FBN2: variants seen among roughly 807,000 people sequenced by gnomAD.
FBN2 encodes fibrillin 2.
FBN2 carries 105 observed loss-of-function variants against 355.6 expected under a neutral mutation model. The observed-to-expected ratio is 0.30, with a 90% CI of 0.25 to 0.35. The LOEUF (loss-of-function observed/expected upper bound fraction) is 0.35, where lower values mean the gene tolerates loss of function less well. FBN2 is among the 10% of genes least tolerant of loss of function. FBN2 has a pLI of 1.00. For synonymous variants in FBN2, 1,350 were observed against 1,301.2 expected (o/e 1.04, Z -0.81); for missense variants, 3,280 against 3,758.7 (o/e 0.87, Z 3.33).
intron 5 of FBN2, among the ~76,000 whole-genome samples, chr5:128,518,421 C>A (rs1756345076): frequency 6.6e-6 from 1 of 152,090 alleles, no homozygotes; most frequent in Admixed American, 6.6e-5. Context: ...ATCCCTCCAC[C>A]CCTTTTCTCT....
chr5:128,537,804 C>A lies in FBN2; in HGVS notation c.-201G>T. On this transcript the variant is annotated 5_prime_UTR_variant, in exon 1 of 65. Coordinates refer to ENST00000262464, the MANE Select transcript of FBN2 (RefSeq NM_001999.4). ...ACTGCCCGCGAAGCGAGACGCGGGGCGCCGGGTCTAGCGCAGTGAGCGGCG... is the reference window on the plus strand; with the variant it reads ...ACTGCCCGCGAAGCGAGACGCGGGGAGCCGGGTCTAGCGCAGTGAGCGGCG... 1.6e-6 allele frequency: 1 copy of A among 620,412 alleles called. No homozygotes were observed. The highest frequency in any genetic ancestry group is 2.8e-6 in the Non-Finnish European group (1 of 353,788). 38.4% of individuals were successfully genotyped at this position (620,412 alleles called of 1,614,324 possible). A position where few individuals can be genotyped will look rare whatever the true frequency, so the allele number is the denominator to read the frequency against.
intron 48 of FBN2, among the ~76,000 whole-genome samples, chr5:128,299,534 T>A (rs1185540903): frequency 1.3e-5 from 2 of 152,066 alleles, no homozygotes; most frequent in Non-Finnish European, 2.9e-5. Context: ...GTGCGCCGTT[T>A]TTTAAGCCCG....
chr5:128,396,276 T>C (rs1004536325), intron 8 of FBN2, among the ~76,000 whole-genome samples: 1 of 152,184 alleles, frequency 6.6e-6, no homozygotes, highest in Non-Finnish European at 1.5e-5. Flanking sequence ...CTTTAAAACA[T>C]GTTATATTTG....
chr5:128,445,001 C>T (rs894520428), intron 7 of FBN2, among the ~76,000 whole-genome samples: 9 of 152,132 alleles, frequency 5.9e-5, no homozygotes, highest in Non-Finnish European at 1.2e-4. Flanking sequence ...ATACAAAAAG[C>T]GGCCAGGAAA....
Position 128,344,389 on chromosome 5 carries a change from G to A in FBN2, c.3339C>T (p.Cys1113=), listed in dbSNP as rs1751112559. ...AAAACAGCAGAACCATCTTACCCGT[G>A]CAGTTTCTTTCCTCCATGTCTAGAG... The part of the protein sequence containing the change: ...GFALDMEERN[C]TDIDECRISP... Residue 1113 remains cysteine (C), a synonymous_variant, in exon 25 of 65, where the codon TGC becomes TGT. Transcript: ENST00000262464. 1.2e-6 allele frequency: 2 copies of A among 1,613,894 alleles called. No individual in the cohort carries two copies. The highest frequency in any genetic ancestry group is 1.7e-5 in the Admixed American group (1 of 60,002).
intron 36 of FBN2, among the ~76,000 whole-genome samples, chr5:128,314,610 C>A (rs1750151802): frequency 6.6e-6 from 1 of 152,158 alleles, no homozygotes; most frequent in African/African-American, 2.4e-5. Flanking sequence ...GCCACCACGC[C>A]CAGCCTAATT....
chr5:128,342,037 A>C (rs566493310), intron 25 of FBN2, among the ~76,000 whole-genome samples: 57 of 152,284 alleles, frequency 3.7e-4, no homozygotes, highest in Middle Eastern at 3.4e-3. Context: ...AGATCAAAAC[A>C]AAGACAAACT....
intron 48 of FBN2, among the ~76,000 whole-genome samples, chr5:128,295,514 A>G (rs1749480292): frequency 6.8e-6 from 1 of 147,326 alleles, no homozygotes; most frequent in South Asian, 2.2e-4. Context: ...TATTTCCTTG[A>G]GTAGTGGTTT....
rs544889625 is a variant in FBN2 at position 128,446,892 on chromosome 5, A to C, written c.827-286T>G. 2.7e-4 allele frequency among the ~76,000 whole-genome samples: 41 copies of C among 152,340 alleles called. No individual in the cohort carries two copies. In the South Asian group the frequency reaches 2.7e-3, roughly 10 times the overall value. ...GACCCCGAACGGAGGGACCGGCTGAAGCCATGGCAGAAGCATGGAAATTGT... is the reference window on the plus strand; with the variant it reads ...GACCCCGAACGGAGGGACCGGCTGACGCCATGGCAGAAGCATGGAAATTGT... On this transcript the variant is annotated intron_variant, in intron 6 of 64. Transcript: ENST00000262464.
intron 39 of FBN2, among the ~76,000 whole-genome samples, chr5:128,310,398 ATATATTTTTTTTT>A (rs1484956508): frequency 0.017 from 193 of 11,200 alleles, 1 homozygote; most frequent in African/African-American, 0.029. Flanking sequence ...ATATATATAT[ATATATTTTTTTTT>A]TTTTTTTTTT....
rs1752568817 is a variant in FBN2, at chr5:128,393,293, C to A, written c.1307G>T (p.Gly436Val). 1 of 1,614,180 alleles carries A rather than the reference C, an allele frequency of 6.2e-7. No homozygotes were observed. The highest frequency in any genetic ancestry group is 1.1e-5 in the South Asian group (1 of 91,088). ...TGGGGCAAAGCCATTTCCCCCAGTG[C>A]CTCCAGGTCTGGAACCAGCACTCCC... ...IPGSAGSRPGGTGGNGFAPSG... is the reference protein window; with the variant it reads ...IPGSAGSRPGVTGGNGFAPSG... The change falls in exon 10 of 65, where the codon GGC becomes GTC. Residue 436 changes from glycine (G) to valine (V), a missense_variant. Physicochemically the swap from Gly to Val is moderately radical, Grantham distance 109. Transcript: ENST00000262464.
At chr5:128,509,035 C>T (rs758893446) in intron 5 of FBN2, among the ~76,000 whole-genome samples, 1 of 151,782 alleles carries the variant, frequency 6.6e-6, no homozygotes, top group Non-Finnish European at 1.5e-5. Flanking sequence ...TCCCTGTATC[C>T]CTGGTTTTGA....
At chr5:128,408,552 A>C in intron 8 of FBN2, 122 bp downstream of exon 8, 1 of 1,187,602 alleles carries the variant, frequency 8.4e-7, no homozygotes, top group Non-Finnish European at 1.2e-6. Context: ...TACCGTTTAC[A>C]TTAAACAACT....
intron 5 of FBN2, among the ~76,000 whole-genome samples, chr5:128,507,367 T>C (rs1215815669): frequency 6.6e-6 from 1 of 152,048 alleles, no homozygotes; most frequent in Non-Finnish European, 1.5e-5. Context: ...ATAAAAAAAT[T>C]ATGTAGTATT....
rs2126810867 is a variant in FBN2, at chr5:128,280,205, G to A, written c.7125C>T (p.Gly2375=). 1 of 1,611,972 alleles carries A rather than the reference G, an allele frequency of 6.2e-7. No individual in the cohort carries two copies. Among genetic ancestry groups the A allele is most frequent in the East Asian group, 2.2e-5 (1 of 44,764 alleles). ...ATGTCAACTTACCAAGGCATTCAGTGCCTGAAGAACTTGACTGGAATCCTT... is the reference window on the plus strand; with the variant it reads ...ATGTCAACTTACCAAGGCATTCAGTACCTGAAGAACTTGACTGGAATCCTT... ...CNEGFQSSSS[G]TECLDNRQGL... The change falls in exon 56 of 65, where the codon GGC becomes GGT. Residue 2375 remains glycine, a synonymous_variant. Transcript: ENST00000262464.
intron 15 of FBN2, among the ~76,000 whole-genome samples, chr5:128,374,400 T>C (rs1326490673): frequency 6.6e-6 from 1 of 151,836 alleles, no homozygotes; most frequent in Non-Finnish European, 1.5e-5. Context: ...CGAATCTACT[T>C]TGTCACAACG....
At chr5:128,497,811 A>G (rs918650184) in intron 5 of FBN2, among the ~76,000 whole-genome samples, 16 of 152,172 alleles carry the variant, frequency 1.1e-4, no homozygotes, top group African/African-American at 3.9e-4. Flanking sequence ...AATTCTAGTT[A>G]AGTAACAGAA....
intron 7 of FBN2, among the ~76,000 whole-genome samples, chr5:128,419,474 G>A (rs951237983): frequency 3.3e-5 from 5 of 151,884 alleles, no homozygotes; most frequent in Admixed American, 6.6e-5. Context: ...AGTTGAGTAC[G>A]TTCCTTTCTA....
At chr5:128,293,959 G>T (rs1451139191) in intron 48 of FBN2, among the ~76,000 whole-genome samples, 1 of 151,858 alleles carries the variant, frequency 6.6e-6, no homozygotes, top group Non-Finnish European at 1.5e-5. Context: ...CTAGCATTAG[G>T]TATATCTCCC....
Sources: gnomAD v4.1 joint callset for allele counts (sites outside exome capture counted in the v4.1 genomes callset) on GRCh38, gnomAD v4.1.1 for gene constraint, MANE v1.5 for transcripts, NCBI Gene and HGNC (gene_info 2026-07-23, HGNC 2026-07-21) for gene names.